Variants in VMA12 observed in about 807,000 individuals in gnomAD.
VMA12 encodes the protein vacuolar ATPase assembly protein VMA12.
At chr17:28,358,665 A>G in the VMA12 span, among the ~76,000 whole-genome samples, 3 of 152,228 alleles carry the variant, frequency 2.0e-5, no homozygotes, top group Non-Finnish European at 4.4e-5. Flanking sequence ...GCACAAGTAA[A>G]TGGCTTACTT....
chr17:28,363,364 T>C, the VMA12 span: 6 of 152,034 alleles, frequency 3.9e-5, no homozygotes, highest in Non-Finnish European at 8.8e-5. Flanking sequence ...ATCCCTCTAA[T>C]CCCAGCTGAA....
At chr17:28,359,546 AAC>A in the VMA12 span, 1 of 676,740 alleles carries the variant, frequency 1.5e-6, no homozygotes, top group Non-Finnish European at 2.4e-6. Flanking sequence ...GCATACAAAC[AAC>A]ACAGTTCCCA....
the VMA12 span, chr17:28,359,411 A>T: frequency 1.2e-6 from 2 of 1,613,834 alleles, no homozygotes; most frequent in East Asian, 2.2e-5. Flanking sequence ...TCAGGTAAGG[A>T]CATGCTCTTC....
At chr17:28,359,973 CTT>C in the VMA12 span, among the ~76,000 whole-genome samples, 4 of 145,492 alleles carry the variant, frequency 2.7e-5, no homozygotes, top group Non-Finnish European at 3.0e-5. Flanking sequence ...TTTTCTTCTT[CTT>C]TTTTTTTTTT....
chr17:28,359,694 C>T, the VMA12 span: 1 of 200,786 alleles, frequency 5.0e-6, no homozygotes, highest in East Asian at 1.1e-4. Flanking sequence ...CACTTGAGGT[C>T]GGGAGTTCGT....
At chr17:28,360,556 G>A in the VMA12 span, 27 of 1,614,082 alleles carry the variant, frequency 1.7e-5, no homozygotes, top group South Asian at 6.6e-5. Flanking sequence ...GACTCTCAGC[G>A]ACCTGGGAAA....
chr17:28,361,530 A>C, the VMA12 span: 1 of 407,586 alleles, frequency 2.5e-6, no homozygotes. Context: ...TGCCTTCTCC[A>C]GTTCATTCTA....
chr17:28,358,416 G>A, the VMA12 span: 1 of 472,260 alleles, frequency 2.1e-6, no homozygotes, highest in Non-Finnish European at 4.4e-6. Flanking sequence ...TCCTCGCTGG[G>A]CCTCAGTTCC....
chr17:28,359,491 CA>C, the VMA12 span: 4 of 1,329,172 alleles, frequency 3.0e-6, no homozygotes, highest in Non-Finnish European at 4.3e-6. Context: ...TTAGAAAAAA[CA>C]TGGAAACTTG....
the VMA12 span, chr17:28,359,502 G>T: frequency 8.6e-6 from 10 of 1,165,218 alleles, no homozygotes; most frequent in East Asian, 2.5e-5. Flanking sequence ...ATGGAAACTT[G>T]GTTTCTATAC....
the VMA12 span, chr17:28,362,375 C>T: frequency 2.0e-5 from 3 of 152,172 alleles, no homozygotes; most frequent in Non-Finnish European, 4.4e-5. Flanking sequence ...TAAAAAGCTA[C>T]ACTGGGCCAG....
the VMA12 span, chr17:28,361,099 G>A: frequency 6.5e-7 from 1 of 1,537,546 alleles, no homozygotes; most frequent in Admixed American, 1.7e-5. Flanking sequence ...TAAAGTTGCT[G>A]GGGTACAGAG....
the VMA12 span, chr17:28,359,576 C>T: frequency 1.8e-6 from 1 of 561,340 alleles, no homozygotes; most frequent in East Asian, 3.1e-5. Flanking sequence ...CACTGAGACT[C>T]TGGGCTGAGA....
the VMA12 span, among the ~76,000 whole-genome samples, chr17:28,359,865 T>C: frequency 1.2e-4 from 18 of 152,002 alleles, no homozygotes; most frequent in African/African-American, 4.3e-4. Context: ...GAGCCAACAC[T>C]GCACCATTGC....
At chr17:28,363,381 G>GT in the VMA12 span, 1 of 152,094 alleles carries the variant, frequency 6.6e-6, no homozygotes, top group Admixed American at 6.6e-5. Context: ...TGAAGCCTGG[G>GT]TAATACCTCC....
chr17:28,361,430 A>G, the VMA12 span: 1 of 609,842 alleles, frequency 1.6e-6, no homozygotes, highest in Non-Finnish European at 2.9e-6. Flanking sequence ...TTCCAAAGGG[A>G]GCATTGGAGG....
At chr17:28,361,348 C>T in the VMA12 span, 1 of 1,206,364 alleles carries the variant, frequency 8.3e-7, no homozygotes, top group Non-Finnish European at 1.2e-6. Flanking sequence ...TTTTTGTATT[C>T]AGCTCCAGTT....
At chr17:28,359,322 A>T in the VMA12 span, 1 of 1,614,096 alleles carries the variant, frequency 6.2e-7, no homozygotes, top group Non-Finnish European at 8.5e-7. Flanking sequence ...CAGAACCCAG[A>T]ACTAGTTGCC....
the VMA12 span, chr17:28,362,958 C>G: frequency 1.3e-5 from 2 of 152,324 alleles, no homozygotes; most frequent in Middle Eastern, 3.4e-3. Flanking sequence ...GACTGCTTGG[C>G]AGGAGGTGGG....
Sources: allele counts gnomAD v4.1 joint callset (sites outside exome capture counted in the v4.1 genomes callset), GRCh38; gene constraint gnomAD v4.1.1; transcripts MANE v1.5; gene names NCBI Gene and HGNC (gene_info 2026-07-23, HGNC 2026-07-21).